PEBP4: variants seen among roughly 807,000 people sequenced by gnomAD.
The protein encoded by PEBP4 is phosphatidylethanolamine binding protein 4, also known as phosphatidylethanolamine-binding protein 4.
Under a neutral mutation model 23.9 loss-of-function variants are expected in PEBP4, and 22 were observed. The observed-to-expected ratio is 0.92, with a 90% CI of 0.66 to 1.31. The LOEUF (loss-of-function observed/expected upper bound fraction) is 1.31, where lower values mean the gene tolerates loss of function less well. Ranked by LOEUF, PEBP4 falls within the 40% of genes most tolerant of loss-of-function variation. The probability of loss-of-function intolerance (pLI) is 0.00; values close to 1 mark genes in which losing one functional copy is unlikely to be tolerated. For missense variants in PEBP4, 324 were observed against 281.7 expected (o/e 1.15, Z -1.07); for synonymous variants, 112 against 99.3 (o/e 1.13, Z -0.76).
At chr8:22,818,622 G>T (rs12677017) in intron 3 of PEBP4, among the ~76,000 whole-genome samples, 78,791 of 151,896 alleles carry the variant, frequency 0.52, 21,004 homozygotes, top group South Asian at 0.65. Flanking sequence ...TTCAGGGTTT[G>T]GGGCAGGACA....
At chr8:22,907,718 G>A (rs1808845521) in intron 3 of PEBP4, among the ~76,000 whole-genome samples, 1 of 152,168 alleles carries the variant, frequency 6.6e-6, no homozygotes, top group Non-Finnish European at 1.5e-5. Context: ...AGCAGAGGCT[G>A]AGCTGGTCTG....
chr8:22,935,324 C>A (rs1809522373), intron 1 of PEBP4, among the ~76,000 whole-genome samples: 1 of 152,008 alleles, frequency 6.6e-6, no homozygotes, highest in Admixed American at 6.6e-5. Context: ...AGTTCAAGAC[C>A]AGCCTGGCCA....
intron 4 of PEBP4, among the ~76,000 whole-genome samples, chr8:22,750,481 T>C (rs1805231967): frequency 6.6e-6 from 1 of 152,230 alleles, no homozygotes; most frequent in African/African-American, 2.4e-5. Flanking sequence ...TGGAAAAAAT[T>C]TATCTGGGCA....
intron 4 of PEBP4, among the ~76,000 whole-genome samples, chr8:22,772,995 C>G (rs1386343584): frequency 6.6e-6 from 1 of 152,126 alleles, no homozygotes; most frequent in Non-Finnish European, 1.5e-5. Context: ...GGAACAAAGA[C>G]TTAGAGAACC....
intron 1 of PEBP4, among the ~76,000 whole-genome samples, chr8:22,933,744 G>C (rs183582045): frequency 1.3e-5 from 2 of 152,312 alleles, no homozygotes; most frequent in African/African-American, 4.8e-5. Context: ...CAAGATCTTT[G>C]TTTGAGGTAA....
At chr8:22,800,403 C>G (rs1214700944) in intron 4 of PEBP4, among the ~76,000 whole-genome samples, 1 of 151,936 alleles carries the variant, frequency 6.6e-6, no homozygotes, top group Non-Finnish European at 1.5e-5. Flanking sequence ...AGGGTAGAAC[C>G]AGATGGATTC....
chr8:22,729,837 G>T (rs527979041), intron 4 of PEBP4, among the ~76,000 whole-genome samples: 1 of 152,292 alleles, frequency 6.6e-6, no homozygotes, highest in Non-Finnish European at 1.5e-5. Flanking sequence ...TGATTTACTC[G>T]GATTGTCTTG....
chr8:22,737,534 C>G (rs891188509), intron 4 of PEBP4, among the ~76,000 whole-genome samples: 1 of 151,988 alleles, frequency 6.6e-6, no homozygotes, highest in Non-Finnish European at 1.5e-5. Context: ...AGGATCCCCC[C>G]ACTCCCCCCG....
At chr8:22,891,213 T>C (rs898105547) in intron 3 of PEBP4, among the ~76,000 whole-genome samples, 5 of 152,076 alleles carry the variant, frequency 3.3e-5, no homozygotes, top group Admixed American at 1.3e-4. Flanking sequence ...AGCTGTGTTA[T>C]ATATTTCTTC....
chr8:22,891,704 T>A (rs964995942), intron 3 of PEBP4, among the ~76,000 whole-genome samples: 1 of 152,192 alleles, frequency 6.6e-6, no homozygotes, highest in Non-Finnish European at 1.5e-5. Context: ...GGAATGGAGC[T>A]GGGATTATAA....
Position 22,920,289 on chromosome 8 carries a change from T to C in PEBP4, c.153A>G (p.Pro51=). 6.2e-7 allele frequency: 1 copy of C among 1,613,240 alleles called. No individual in the cohort carries two copies. The change falls in exon 3 of 7, where the codon CCA becomes CCG. Residue 51 remains proline, a synonymous_variant. Transcript: ENST00000256404. ...CCTTGCAGCCAATGTTCCCCAACTC[T>C]GGGTAGAAAACTTCAAGGCCCCTAT... is the stretch of plus-strand genomic sequence containing the variant. ...LFCQGLEVFY[P]ELGNIGCKVV...
At chr8:22,936,092 A>G (rs1025612427) in intron 1 of PEBP4, among the ~76,000 whole-genome samples, 3 of 151,752 alleles carry the variant, frequency 2.0e-5, no homozygotes, top group African/African-American at 7.2e-5. Flanking sequence ...AACAGACATA[A>G]AATAGAGAAC....
At chr8:22,744,968 A>G (rs926080796) in intron 4 of PEBP4, among the ~76,000 whole-genome samples, 3 of 152,224 alleles carry the variant, frequency 2.0e-5, no homozygotes, top group Non-Finnish European at 4.4e-5. Flanking sequence ...CAGATCAGCA[A>G]ATGGAATGCG....
At chr8:22,885,158 C>A (rs1045582677) in intron 3 of PEBP4, 1 of 152,174 alleles carries the variant, frequency 6.6e-6, no homozygotes, top group Non-Finnish European at 1.5e-5. Flanking sequence ...GAGATGAACA[C>A]CGTCCTTGCT....
chr8:22,830,112 T>TG (rs1807051660), intron 3 of PEBP4, among the ~76,000 whole-genome samples: 3 of 133,566 alleles, frequency 2.2e-5, no homozygotes, highest in South Asian at 2.7e-4. Context: ...AGGCTGTGGT[T>TG]TTGTGTGTGT....
chr8:22,840,881 A>G (rs766711026), intron 3 of PEBP4, among the ~76,000 whole-genome samples: 2 of 152,200 alleles, frequency 1.3e-5, no homozygotes, highest in Non-Finnish European at 2.9e-5. Flanking sequence ...GCATGAACAA[A>G]ATACAGGAAA....
chr8:22,776,528 G>C (rs1395328317), intron 4 of PEBP4, among the ~76,000 whole-genome samples: 1 of 151,798 alleles, frequency 6.6e-6, no homozygotes, highest in Admixed American at 6.6e-5. Flanking sequence ...CTGGTCTTTC[G>C]TTCCGGCTGC....
intron 3 of PEBP4, among the ~76,000 whole-genome samples, chr8:22,892,095 G>A (rs1437851601): frequency 6.6e-6 from 1 of 151,766 alleles, no homozygotes; most frequent in Non-Finnish European, 1.5e-5. Flanking sequence ...AAAGAAACCA[G>A]GGAAGGAGAA....
intron 4 of PEBP4, among the ~76,000 whole-genome samples, chr8:22,767,004 G>T (rs1805625173): frequency 6.6e-6 from 1 of 152,234 alleles, no homozygotes; most frequent in African/African-American, 2.4e-5. Context: ...TCACCGTGGG[G>T]GTCTAGAGTG....
Sources: gnomAD v4.1 joint callset for allele counts (sites outside exome capture counted in the v4.1 genomes callset) on GRCh38, gnomAD v4.1.1 for gene constraint, MANE v1.5 for transcripts, NCBI Gene and HGNC (gene_info 2026-07-23, HGNC 2026-07-21) for gene names.